The following ENOX1 variants were observed in gnomAD, a reference collection of about 807,000 sequenced individuals.
ENOX1 encodes the protein ecto-NOX disulfide-thiol exchanger 1.
A neutral mutation model predicts 82.5 loss-of-function variants in ENOX1; 42 were observed. The observed-to-expected ratio is 0.51, with a 90% CI of 0.40 to 0.66. The LOEUF (loss-of-function observed/expected upper bound fraction) is 0.66. ENOX1 is among the 30% of genes least tolerant of loss of function. The pLI, the probability that ENOX1 is intolerant of heterozygous loss-of-function variation, is 0.00. For missense variants in ENOX1, 608 were observed against 811.6 expected, an observed-to-expected ratio of 0.75 and a Z score of 3.05; for synonymous variants, 271 against 282.2, an observed-to-expected ratio of 0.96 and a Z score of 0.40.
intron 3 of ENOX1, among the ~76,000 whole-genome samples, chr13:43,442,566 C>T (rs1382232728): frequency 2.6e-5 from 4 of 152,158 alleles, no homozygotes; most frequent in Admixed American, 6.5e-5. Context: ...CCATGCCTTG[C>T]TCTGAATTTG....
intron 2 of ENOX1, among the ~76,000 whole-genome samples, chr13:43,592,305 C>T (rs2081279715): frequency 1.3e-5 from 2 of 152,200 alleles, no homozygotes; most frequent in Non-Finnish European, 2.9e-5. Flanking sequence ...ACACTCAGTC[C>T]TTATAAGCAT....
chr13:43,336,053 T>C (rs1011485173), intron 9 of ENOX1, among the ~76,000 whole-genome samples: 3 of 152,250 alleles, frequency 2.0e-5, no homozygotes, highest in Non-Finnish European at 2.9e-5. Flanking sequence ...AAAGCAGTTA[T>C]GGGGAATTTT....
intron 8 of ENOX1, among the ~76,000 whole-genome samples, chr13:43,346,063 T>C (rs1281823213): frequency 6.6e-6 from 1 of 152,200 alleles, no homozygotes; most frequent in Non-Finnish European, 1.5e-5. Context: ...TGAGTTCTTA[T>C]TAGTATTTTA....
At chr13:43,398,624 T>TCCC (rs2053298905) in intron 5 of ENOX1, among the ~76,000 whole-genome samples, 1 of 152,002 alleles carries the variant, frequency 6.6e-6, no homozygotes. Context: ...CTCTCCTGCC[T>TCCC]CCCCTTCCAT....
intron 15 of ENOX1, among the ~76,000 whole-genome samples, chr13:43,226,531 A>G (rs1020271551): frequency 3.9e-5 from 6 of 152,194 alleles, no homozygotes; most frequent in Admixed American, 2.0e-4. Context: ...TAGTCCTTCT[A>G]TTTGTTGAAT....
At chr13:43,541,493 C>T (rs1821356920) in intron 2 of ENOX1, among the ~76,000 whole-genome samples, 1 of 152,062 alleles carries the variant, frequency 6.6e-6, no homozygotes, top group South Asian at 2.1e-4. Context: ...AGTGCGAGAG[C>T]TGTTTCTAAA....
At chr13:43,731,531 T>TTG (rs2089347037) in intron 1 of ENOX1, among the ~76,000 whole-genome samples, 1 of 151,458 alleles carries the variant, frequency 6.6e-6, no homozygotes, top group African/African-American at 2.4e-5. Flanking sequence ...GTTTTTGTTT[T>TTG]TTTTTTTCTT....
chr13:43,586,488 C>T (rs916402511), intron 2 of ENOX1, among the ~76,000 whole-genome samples: 3 of 152,130 alleles, frequency 2.0e-5, no homozygotes, highest in Non-Finnish European at 4.4e-5. Flanking sequence ...AGTACTAAAC[C>T]AACTGTGTTG....
At chr13:43,759,464 G>A (rs563188193) in intron 1 of ENOX1, among the ~76,000 whole-genome samples, 12 of 152,096 alleles carry the variant, frequency 7.9e-5, no homozygotes, top group African/African-American at 2.2e-4. Flanking sequence ...ATAGAACCTC[G>A]GAGTTAAATT....
intron 1 of ENOX1, among the ~76,000 whole-genome samples, chr13:43,785,967 C>T (rs542636361): frequency 7.2e-5 from 11 of 152,096 alleles, no homozygotes; most frequent in African/African-American, 2.4e-4. Context: ...GGCTCTGCAC[C>T]CTGGCAGCGG....
At chr13:43,685,252 C>G (rs1189583504) in intron 1 of ENOX1, among the ~76,000 whole-genome samples, 2 of 152,166 alleles carry the variant, frequency 1.3e-5, no homozygotes, top group African/African-American at 4.8e-5. Flanking sequence ...CACTTCCCAG[C>G]AATTGCAATC....
chr13:43,271,564 G>A (rs886538899), intron 12 of ENOX1, among the ~76,000 whole-genome samples: 1 of 151,894 alleles, frequency 6.6e-6, no homozygotes, highest in African/African-American at 2.4e-5. Context: ...ATACTACTTG[G>A]ACACCTCTCT....
intron 2 of ENOX1, among the ~76,000 whole-genome samples, chr13:43,527,192 C>G (rs1327746571): frequency 6.6e-6 from 1 of 152,058 alleles, no homozygotes; most frequent in Non-Finnish European, 1.5e-5. Flanking sequence ...CTCCCTCCTC[C>G]CGAAGATCCA....
intron 3 of ENOX1, among the ~76,000 whole-genome samples, chr13:43,437,116 T>C (rs889454867): frequency 1.3e-5 from 2 of 152,090 alleles, no homozygotes; most frequent in Non-Finnish European, 1.5e-5. Flanking sequence ...TTTTTTAAAG[T>C]CTTCAAAAGA....
Position 43,537,417 on chromosome 13 carries a change from G to A in ENOX1, c.-218-53265C>T, listed in dbSNP as rs185814119. On this transcript the variant is annotated intron_variant, in intron 2 of 16. Coordinates refer to ENST00000690772, the MANE Select transcript of ENOX1 (RefSeq NM_001347969.2). ...ACAGAATGTATGTGAGACACTCACT[G>A]GAGTCTCCAGAGCTATTTGGGAGGA... 4.6e-5 allele frequency among the ~76,000 whole-genome samples: 7 copies of A among 152,278 alleles called. No homozygotes were observed. In the East Asian group the frequency reaches 1.2e-3, roughly 25 times the overall value.
chr13:43,395,543 C>T (rs954585358), intron 5 of ENOX1, among the ~76,000 whole-genome samples: 2 of 152,064 alleles, frequency 1.3e-5, no homozygotes, highest in African/African-American at 2.4e-5. Context: ...ACAAAACCAG[C>T]GTGAGATATT....
chr13:43,250,482 ATGG>A (rs1333388356), intron 14 of ENOX1, among the ~76,000 whole-genome samples: 6 of 152,234 alleles, frequency 3.9e-5, no homozygotes, highest in African/African-American at 1.4e-4. Context: ...GCGGCTAGTT[ATGG>A]GTCCACTGAC....
intron 2 of ENOX1, among the ~76,000 whole-genome samples, chr13:43,536,683 C>T (rs2078475582): frequency 1.3e-5 from 2 of 152,210 alleles, no homozygotes; most frequent in African/African-American, 2.4e-5. Flanking sequence ...AAATACATCA[C>T]CACCTTCCAT....
chr13:43,247,860 TATATATATATATATATA>T lies in ENOX1; in HGVS notation c.1612-11139_1612-11123del, dbSNP rs2043195135. Among the ~76,000 whole-genome samples, 37 of 3,950 alleles carry T rather than the reference TATATATATATATATATA, an allele frequency of 9.4e-3. 2 individuals are homozygous for T. The highest frequency in any genetic ancestry group is 0.013 in the Non-Finnish European group (22 of 1,692). 2.6% of individuals were successfully genotyped at this position (3,950 alleles called of 152,430 possible). Reference sequence around the variant, plus strand: ...ATATATATATATATATATATATATATATATATATATATATATATATATATTTTTTTTTTTTTTTTTTT... The same window carrying T: ...ATATATATATATATATATATATATATTATATATTTTTTTTTTTTTTTTTTT... On this transcript the variant is annotated intron_variant, in intron 14 of 16. Transcript: ENST00000690772.
Sources: gnomAD v4.1 joint callset for allele counts (sites outside exome capture counted in the v4.1 genomes callset) on GRCh38, gnomAD v4.1.1 for gene constraint, MANE v1.5 for transcripts, NCBI Gene and HGNC (gene_info 2026-07-23, HGNC 2026-07-21) for gene names.